Variants in THSD7A observed in about 807,000 individuals in gnomAD.
THSD7A encodes the protein thrombospondin type 1 domain containing 7A.
THSD7A carries 96 observed loss-of-function variants against 231.3 expected under a neutral mutation model. That is an observed-to-expected ratio of 0.41 (90% confidence interval 0.35 to 0.49). The LOEUF is 0.49. THSD7A is among the 20% of genes least tolerant of loss of function. The pLI is 0.05. For missense variants in THSD7A, 2,290 were observed against 2,070.2 expected (o/e 1.11, Z -2.06); for synonymous variants, 940 against 743.3 (o/e 1.26, Z -4.30).
intron 11 of THSD7A, among the ~76,000 whole-genome samples, chr7:11,450,383 T>C (rs1785106451): frequency 6.6e-6 from 1 of 152,016 alleles, no homozygotes; most frequent in African/African-American, 2.4e-5. Flanking sequence ...ACACCTCTTA[T>C]CTGAGGTTTT....
At chr7:11,564,223 C>A (rs1289856389) in intron 4 of THSD7A, among the ~76,000 whole-genome samples, 1 of 152,172 alleles carries the variant, frequency 6.6e-6, no homozygotes, top group African/African-American at 2.4e-5. Context: ...TTCTCCTCAG[C>A]TTTATATTCT....
rs902421675 is a variant in THSD7A at position 11,636,887 on chromosome 7, C to T, written c.265G>A (p.Val89Met). The part of the protein sequence containing the change: ...IQTRAVWCAH[V>M]EGWTTLHTNC... ...GTATGCAGTGTAGTCCATCCCTCCACATGAGCACACCACACAGCCCTCGTT... is the reference window on the plus strand; with the variant it reads ...GTATGCAGTGTAGTCCATCCCTCCATATGAGCACACCACACAGCCCTCGTT... The change falls in exon 2 of 28, where the codon GTG (valine) becomes ATG (methionine). Residue 89 changes from valine (V) to methionine (M), a missense_variant. By Grantham distance (21) the Val-to-Met change is conservative (BLOSUM62 1). Transcript: ENST00000423059. The surrounding 1 kb of genome is among the most constrained non-coding windows in gnomAD (Gnocchi z 10.0). 1.9e-6 allele frequency: 3 copies of T among 1,613,766 alleles called. No homozygotes were observed. Among genetic ancestry groups the T allele is most frequent in the African/African-American group, 1.3e-5 (1 of 74,920 alleles).
At chr7:11,789,301 C>T (rs1271768078) in intron 1 of THSD7A, among the ~76,000 whole-genome samples, 1 of 151,940 alleles carries the variant, frequency 6.6e-6, no homozygotes, top group Non-Finnish European at 1.5e-5. Context: ...AACTGTTATG[C>T]TTTTATTATG....
intron 23 of THSD7A, among the ~76,000 whole-genome samples, chr7:11,393,816 G>T (rs1381886609): frequency 1.3e-5 from 2 of 152,284 alleles, no homozygotes; most frequent in East Asian, 1.9e-4. Context: ...AGATTAGAGA[G>T]AAAAGAATAA....
intron 1 of THSD7A, among the ~76,000 whole-genome samples, chr7:11,692,593 G>C (rs1418852973): frequency 6.6e-6 from 1 of 151,530 alleles, no homozygotes; most frequent in East Asian, 2.0e-4. Flanking sequence ...TAGGACTCGA[G>C]TTCAGCTTGT....
intron 1 of THSD7A, among the ~76,000 whole-genome samples, chr7:11,749,135 G>C (rs1782416253): frequency 6.6e-6 from 1 of 151,974 alleles, no homozygotes; most frequent in Admixed American, 6.6e-5. Context: ...ATATGGCCTT[G>C]CTTATTAATC....
chr7:11,459,746 C>G (rs1378642952), intron 11 of THSD7A, among the ~76,000 whole-genome samples: 2 of 112,172 alleles, frequency 1.8e-5, no homozygotes, highest in African/African-American at 3.3e-5. Context: ...TTTTTTTTCA[C>G]TGTACAGAAA....
chr7:11,758,464 A>G (rs1386677370), intron 1 of THSD7A, among the ~76,000 whole-genome samples: 1 of 152,044 alleles, frequency 6.6e-6, no homozygotes, highest in East Asian at 1.9e-4. Context: ...CATTTGCCAG[A>G]GGTATATTTT....
intron 8 of THSD7A, among the ~76,000 whole-genome samples, chr7:11,473,598 G>A (rs1301414411): frequency 6.6e-6 from 1 of 152,042 alleles, no homozygotes; most frequent in East Asian, 1.9e-4. Flanking sequence ...CAATTTTTTA[G>A]AGTAGATTTA....
chr7:11,454,206 T>C (rs1785232045), intron 11 of THSD7A, among the ~76,000 whole-genome samples: 1 of 152,016 alleles, frequency 6.6e-6, no homozygotes, highest in Non-Finnish European at 1.5e-5. Flanking sequence ...AATTTCCATA[T>C]GAGATTTAAG....
intron 1 of THSD7A, among the ~76,000 whole-genome samples, chr7:11,754,880 C>CA (rs1276235569): frequency 6.6e-6 from 1 of 151,998 alleles, no homozygotes; most frequent in Admixed American, 6.6e-5. Context: ...AATACGCAGA[C>CA]ACTGACACCA....
intron 11 of THSD7A, among the ~76,000 whole-genome samples, chr7:11,456,699 A>G (rs771746145): frequency 6.6e-6 from 1 of 151,956 alleles, no homozygotes; most frequent in Non-Finnish European, 1.5e-5. Context: ...TGTCCTAACT[A>G]CTCAATTGTG....
chr7:11,465,012 G>C (rs1387178239), intron 9 of THSD7A, among the ~76,000 whole-genome samples: 1 of 152,120 alleles, frequency 6.6e-6, no homozygotes, highest in Non-Finnish European at 1.5e-5. Flanking sequence ...AACTTGAGCT[G>C]GCAAACTGGG....
intron 1 of THSD7A, among the ~76,000 whole-genome samples, chr7:11,649,521 G>A (rs191985795): frequency 2.0e-5 from 3 of 152,138 alleles, no homozygotes; most frequent in East Asian, 3.9e-4. Context: ...CATGGGAATG[G>A]CATATTGAAA....
At chr7:11,507,470 T>A (rs891264110) in intron 6 of THSD7A, among the ~76,000 whole-genome samples, 2 of 152,176 alleles carry the variant, frequency 1.3e-5, no homozygotes, top group Non-Finnish European at 2.9e-5. Context: ...TTCTGCTTTA[T>A]TCTTCAAGTG....
chr7:11,818,063 G>A (rs2355101), intron 1 of THSD7A, among the ~76,000 whole-genome samples: 116,728 of 152,152 alleles, frequency 0.77, 45,507 homozygotes, highest in African/African-American at 0.89. Flanking sequence ...AAATAAAAAT[G>A]ACTTTTAAAT....
chr7:11,757,686 TTC>T (rs1179307035), intron 1 of THSD7A, among the ~76,000 whole-genome samples: 1 of 151,964 alleles, frequency 6.6e-6, no homozygotes, highest in African/African-American at 2.4e-5. Flanking sequence ...AGATTATAAG[TTC>T]TGTTTTTTGA....
intron 2 of THSD7A, among the ~76,000 whole-genome samples, chr7:11,613,945 G>A (rs1328770120): frequency 6.6e-6 from 1 of 152,108 alleles, no homozygotes; most frequent in African/African-American, 2.4e-5. Flanking sequence ...ATTTGCAAAT[G>A]AACAAAAGCA....
At chr7:11,705,128 A>G (rs576914531) in intron 1 of THSD7A, among the ~76,000 whole-genome samples, 40 of 151,216 alleles carry the variant, frequency 2.6e-4, no homozygotes, top group Non-Finnish European at 4.6e-4. Context: ...CATATAATTG[A>G]AAGTATCTGT....
Sources: gnomAD v4.1 joint callset for allele counts (sites outside exome capture counted in the v4.1 genomes callset) on GRCh38, gnomAD v4.1.1 for gene constraint, Gnocchi (gnomAD v3.1) non-coding constraint, MANE v1.5 for transcripts, NCBI Gene and HGNC (gene_info 2026-07-23, HGNC 2026-07-21) for gene names.